CMTM8: variants seen among roughly 807,000 people sequenced by gnomAD.
The protein encoded by CMTM8 is CKLF-like MARVEL transmembrane domain-containing protein 8.
CMTM8 carries 12 observed loss-of-function variants against 18.6 expected under a neutral mutation model. The ratio of observed to expected loss-of-function variants is 0.65; its 90% CI spans 0.41 to 1.05. The LOEUF (loss-of-function observed/expected upper bound fraction) is 1.05, where lower values mean the gene tolerates loss of function less well. Among genes scored for constraint, CMTM8 ranks in the 50% least tolerant of loss-of-function variants. CMTM8 has a pLI of 0.00. For synonymous variants in CMTM8, 87 were observed against 90.6 expected, an observed-to-expected ratio of 0.96 and a Z score of 0.23; for missense variants, 217 against 227.2, an observed-to-expected ratio of 0.95 and a Z score of 0.29.
chr3:32,278,405 C>A (rs554694143), intron 1 of CMTM8, among the ~76,000 whole-genome samples: 1 of 152,326 alleles, frequency 6.6e-6, no homozygotes, highest in South Asian at 2.1e-4. Flanking sequence ...CTGCTATTCT[C>A]AGCTCTCTCC....
At chr3:32,287,790 G>A (rs1279221337) in intron 1 of CMTM8, among the ~76,000 whole-genome samples, 1 of 152,152 alleles carries the variant, frequency 6.6e-6, no homozygotes, top group African/African-American at 2.4e-5. Flanking sequence ...TGGCAGAAGA[G>A]ATATTGATTC....
chr3:32,362,046 C>CTTTTCTTTTTTTTTTTTT (rs1553608240), intron 2 of CMTM8, among the ~76,000 whole-genome samples: 1 of 92,066 alleles, frequency 1.1e-5, no homozygotes, highest in African/African-American at 3.9e-5. Context: ...ATTTTCTTTT[C>CTTTTCTTTTTTTTTTTTT]TTTTTTTTTT....
chr3:32,340,661 C>T (rs1487243340), intron 1 of CMTM8, among the ~76,000 whole-genome samples: 3 of 152,208 alleles, frequency 2.0e-5, no homozygotes, highest in Non-Finnish European at 4.4e-5. Context: ...CAGGAGGCCA[C>T]ATATTCTGTT....
At chr3:32,264,080 A>G (rs1416329171) in intron 1 of CMTM8, among the ~76,000 whole-genome samples, 2 of 152,090 alleles carry the variant, frequency 1.3e-5, no homozygotes, top group African/African-American at 4.8e-5. Context: ...CCAACATTCA[A>G]ATTCAGGAAA....
At position 32,265,539 on chromosome 3, in the gene CMTM8, A is replaced by T. The variant is rs567328676; in HGVS notation, c.147+26420A>T. Among the ~76,000 whole-genome samples the T allele has an allele frequency of 1.8e-4, 27 of 152,270 alleles. No homozygotes were observed. In the East Asian group the frequency reaches 5.0e-3, roughly 28 times the overall value. ...ATTGACACCCTAACATCACAATTAA[A>T]AGAACTAGAGAAGCAAGAGCAAACA... On this transcript the variant is annotated intron_variant, in intron 1 of 3. Transcript: ENST00000307526.
intron 3 of CMTM8, among the ~76,000 whole-genome samples, chr3:32,368,890 A>T (rs1396065246): frequency 6.6e-6 from 1 of 152,222 alleles, no homozygotes; most frequent in Non-Finnish European, 1.5e-5. Context: ...CTCCAAAAGA[A>T]GCCTATCGGG....
intron 1 of CMTM8, among the ~76,000 whole-genome samples, chr3:32,239,518 G>T (rs535328628): frequency 1.3e-5 from 2 of 152,196 alleles, no homozygotes; most frequent in African/African-American, 4.8e-5. Flanking sequence ...TAAGATCAGG[G>T]GAAGAGGAAA....
chr3:32,260,289 ATTG>A, intron 1 of CMTM8: 1 of 809,940 alleles, frequency 1.2e-6, no homozygotes, highest in Non-Finnish European at 2.0e-6. Flanking sequence ...TTCAGAGGTC[ATTG>A]GAAAAAAAAA....
chr3:32,306,089 G>A (rs552595296), intron 1 of CMTM8, among the ~76,000 whole-genome samples: 17 of 152,114 alleles, frequency 1.1e-4, no homozygotes, highest in African/African-American at 3.1e-4. Flanking sequence ...CTCCTTTTTC[G>A]TGAGTCTGTG....
At chr3:32,340,658 C>T (rs562599119) in intron 1 of CMTM8, among the ~76,000 whole-genome samples, 1 of 152,336 alleles carries the variant, frequency 6.6e-6, no homozygotes, top group Non-Finnish European at 1.5e-5. Context: ...AGCCAGGAGG[C>T]CACATATTCT....
In CMTM8 at chr3:32,357,446, T is replaced by C. The variant is rs1696838573; in HGVS notation, c.221T>C (p.Met74Thr). Residue 74 changes from methionine (M) to threonine (T), a missense_variant, in exon 2 of 4, where the codon ATG becomes ACG. Met to Thr is a moderately conservative substitution (Grantham distance 81, BLOSUM62 -1). Coordinates refer to ENST00000307526, the MANE Select transcript of CMTM8 (RefSeq NM_178868.5). ...YFRVPAFGWV[M>T]FVAVFYWVLT... ...CGGGTCCCCGCATTTGGCTGGGTCA[T>C]GTTTGTAGCTGTATTTTACTGGGTC... 2 of 1,614,118 alleles carry C rather than the reference T, an allele frequency of 1.2e-6. No homozygotes were observed. Among genetic ancestry groups the C allele is most frequent in the Non-Finnish European group, 1.7e-6 (2 of 1,179,996 alleles).
Position 32,264,100 on chromosome 3 carries a change from C to A in CMTM8, c.147+24981C>A, listed in dbSNP as rs192118049. ...ATTCAAATTCAGGAAATACAGAGAACTCCACAAAGATACTCCTTGAGAAGA... is the reference window on the plus strand; with the variant it reads ...ATTCAAATTCAGGAAATACAGAGAAATCCACAAAGATACTCCTTGAGAAGA... On this transcript the variant is annotated intron_variant, in intron 1 of 3. Transcript: ENST00000307526. Among the ~76,000 whole-genome samples the A allele has an allele frequency of 6.0e-3, 909 of 152,246 alleles. 4 individuals carry two copies. Among genetic ancestry groups the A allele is most frequent in the African/African-American group, 0.021 (865 of 41,526 alleles).
chr3:32,248,492 G>C (rs952987524), intron 1 of CMTM8, among the ~76,000 whole-genome samples: 8 of 152,070 alleles, frequency 5.3e-5, no homozygotes, highest in African/African-American at 1.9e-4. Flanking sequence ...CTCCTGAGTA[G>C]CTGGGATTAC....
At chr3:32,298,521 G>C (rs1695533507) in intron 1 of CMTM8, among the ~76,000 whole-genome samples, 1 of 149,636 alleles carries the variant, frequency 6.7e-6, no homozygotes. Flanking sequence ...TCTCTTTCCA[G>C]GGCGATCCTT....
intron 1 of CMTM8, among the ~76,000 whole-genome samples, chr3:32,248,666 T>A (rs922383660): frequency 1.9e-4 from 28 of 149,934 alleles, no homozygotes; most frequent in African/African-American, 6.5e-4. Context: ...ACCTGGCCCA[T>A]GTTTTTTTTT....
chr3:32,367,782 C>T, intron 2 of CMTM8, 90 bp from the exon 3 acceptor site: 1 of 838,982 alleles, frequency 1.2e-6, no homozygotes, highest in Non-Finnish European at 2.0e-6. Flanking sequence ...CCCCTCCCCA[C>T]ACCAGAGGTA....
intron 1 of CMTM8, among the ~76,000 whole-genome samples, chr3:32,327,350 A>G (rs1474729348): frequency 6.6e-6 from 1 of 152,234 alleles, no homozygotes; most frequent in Non-Finnish European, 1.5e-5. Flanking sequence ...CCTAGGTTTA[A>G]AAATGTGGTT....
At chr3:32,268,960 A>G (rs1702393406) in intron 1 of CMTM8, among the ~76,000 whole-genome samples, 1 of 152,212 alleles carries the variant, frequency 6.6e-6, no homozygotes, top group Non-Finnish European at 1.5e-5. Flanking sequence ...CCTTGTTTCC[A>G]GAAAGGGCTT....
intron 1 of CMTM8, among the ~76,000 whole-genome samples, chr3:32,355,622 A>C (rs1241336517): frequency 1.3e-5 from 2 of 152,128 alleles, no homozygotes; most frequent in Non-Finnish European, 2.9e-5. Flanking sequence ...CTGCAGCCAG[A>C]GTGGCTTTAT....
Sources: allele counts gnomAD v4.1 joint callset (sites outside exome capture counted in the v4.1 genomes callset), GRCh38; gene constraint gnomAD v4.1.1; transcripts MANE v1.5; gene names NCBI Gene and HGNC (gene_info 2026-07-23, HGNC 2026-07-21).